Variants in MRPL34 observed in about 807,000 individuals in gnomAD.
MRPL34 encodes large ribosomal subunit protein bL34m.
Under a neutral mutation model 6.7 loss-of-function variants are expected in MRPL34, and 8 were observed. The ratio of observed to expected loss-of-function variants is 1.20; its 90% CI spans 0.70 to 2.16. The LOEUF (loss-of-function observed/expected upper bound fraction) is 2.16. Ranked by LOEUF, MRPL34 falls within the 30% of genes most tolerant of loss-of-function variation. The pLI is 0.00. For missense variants in MRPL34, 146 were observed against 125.5 expected, an observed-to-expected ratio of 1.16 and a Z score of -0.78; for synonymous variants, 59 against 55.1, an observed-to-expected ratio of 1.07 and a Z score of -0.31.
chr19:17,301,556 C>A (rs147808769), upstream of MRPL34: 11 of 1,604,986 alleles, frequency 6.9e-6, no homozygotes, highest in African/African-American at 2.7e-5. Flanking sequence ...AGTGGCCCCA[C>A]GGCGTTGGGG....
chr19:17,294,628 G>A (rs1437633260), intron 1 of MRPL34: 3 of 1,608,896 alleles, frequency 1.9e-6, no homozygotes, highest in Non-Finnish European at 2.6e-6. Context: ...GCAGATGCCT[G>A]GGTTCGCCAG....
upstream of MRPL34, chr19:17,300,996 A>T: frequency 6.2e-7 from 1 of 1,613,470 alleles, no homozygotes; most frequent in Non-Finnish European, 8.5e-7. Flanking sequence ...CCAGGTCAGG[A>T]GCCACCACCT....
Position 17,293,694 on chromosome 19 carries a change from T to G in MRPL34, c.214+840T>G, listed in dbSNP as rs1361724212. ...AGTTATACTTTAATGGTTTTTGTTT[T>G]TTTTTTTTTTTCTTTAAGAAACGGG... On this transcript the variant is annotated intron_variant, in intron 1 of 2. Coordinates refer to the MRPL34 transcript ENST00000595444. Among the ~76,000 whole-genome samples the G allele has an allele frequency of 4.0e-5, 6 of 151,668 alleles. No individual in the cohort carries two copies. The South Asian group carries it at 6.3e-4, about 16-fold the overall frequency.
chr19:17,301,797 TG>T (rs2074121035), upstream of MRPL34, among the ~76,000 whole-genome samples: 4 of 151,818 alleles, frequency 2.6e-5, no homozygotes, highest in Admixed American at 2.0e-4. Flanking sequence ...TGTGTGTGTG[TG>T]TGTGTGTGTG....
chr19:17,301,483 C>T, upstream of MRPL34: 2 of 1,611,658 alleles, frequency 1.2e-6, no homozygotes, highest in Non-Finnish European at 1.7e-6. Context: ...ATGCTTCACC[C>T]GCAGCACGCG....
At chr19:17,305,386 G>C (rs557193062), upstream of MRPL34, among the ~76,000 whole-genome samples, 1 of 152,154 alleles carries the variant, frequency 6.6e-6, no homozygotes, top group Admixed American at 6.5e-5. Context: ...CCACCCCAAG[G>C]ACACGCAGCG....
rs947866090 is a variant in MRPL34 at position 17,306,022 on chromosome 19, C to T, written c.65+65C>T. On this transcript the variant is annotated intron_variant, in intron 1 of 1. Coordinates refer to ENST00000252602, the MANE Select transcript of MRPL34 (RefSeq NM_023937.4). ...AGGGCGGCTTCGGAGGCTGGCGCCACTCTTCACTGCCCGCGTGACCTGCCA... is the reference window on the plus strand; with the variant it reads ...AGGGCGGCTTCGGAGGCTGGCGCCATTCTTCACTGCCCGCGTGACCTGCCA... 3.0e-5 allele frequency: 47 copies of T among 1,587,368 alleles called. No homozygotes were observed. The African/African-American group carries it at 4.0e-4, about 14-fold the overall frequency.
intron 1 of MRPL34, among the ~76,000 whole-genome samples, chr19:17,295,626 G>A (rs920016419): frequency 1.3e-5 from 2 of 149,416 alleles, no homozygotes; most frequent in Non-Finnish European, 3.0e-5. Flanking sequence ...CAGGCTGGTC[G>A]AGAACTCCTG....
At chr19:17,301,100 G>C (rs1451767226), upstream of MRPL34, 1 of 1,613,238 alleles carries the variant, frequency 6.2e-7, no homozygotes, top group East Asian at 2.2e-5. Flanking sequence ...ACGTCGGCCT[G>C]GGCGCCTTTG....
chr19:17,301,196 C>T (rs746198270), upstream of MRPL34: 4 of 1,602,772 alleles, frequency 2.5e-6, no homozygotes, highest in African/African-American at 1.3e-5. Flanking sequence ...CTGCCACTGC[C>T]GCTGCCGCTG....
upstream of MRPL34, among the ~76,000 whole-genome samples, chr19:17,299,859 C>T (rs570928404): frequency 2.0e-5 from 3 of 151,122 alleles, no homozygotes; most frequent in East Asian, 1.9e-4. Flanking sequence ...GATCCATCCA[C>T]AAAGTGCTGG....
intron 1 of MRPL34, chr19:17,297,658 A>G (rs544974243): frequency 6.6e-6 from 1 of 152,248 alleles, no homozygotes; most frequent in South Asian, 2.1e-4. Context: ...TATGTTATAT[A>G]AAGAAATATA....
upstream of MRPL34, chr19:17,305,655 A>G: frequency 1.7e-6 from 1 of 574,580 alleles, no homozygotes; most frequent in Admixed American, 3.0e-5. Flanking sequence ...GCTTGCTCAG[A>G]AGGCGCCGTT....
chr19:17,300,235 T>C (rs1351150698), upstream of MRPL34, among the ~76,000 whole-genome samples: 1 of 151,894 alleles, frequency 6.6e-6, no homozygotes, highest in Non-Finnish European at 1.5e-5. Context: ...CGACAGGTTC[T>C]TGCCATGCTG....
At chr19:17,305,834 T>C (rs1220388344), upstream of MRPL34, 4 of 1,519,004 alleles carry the variant, frequency 2.6e-6, no homozygotes, top group East Asian at 4.5e-5. Flanking sequence ...GTTCCAGGGC[T>C]GGAGCGGCTC....
chr19:17,296,190 C>T (rs1484376623), intron 1 of MRPL34: 1 of 151,726 alleles, frequency 6.6e-6, no homozygotes, highest in Non-Finnish European at 1.5e-5. Context: ...AATCTGGATC[C>T]AGAAGTTTCA....
upstream of MRPL34, chr19:17,298,398 C>G (rs2074102609): frequency 6.6e-6 from 1 of 152,100 alleles, no homozygotes. Context: ...GGTTGTATTA[C>G]CTGCCCTTTA....
chr19:17,300,184 G>A (rs1312496955), upstream of MRPL34, among the ~76,000 whole-genome samples: 2 of 151,952 alleles, frequency 1.3e-5, no homozygotes, highest in East Asian at 3.9e-4. Flanking sequence ...GATTACAGGC[G>A]TGAGCCACCG....
In MRPL34 at chr19:17,306,344, C is replaced by G; in HGVS notation, c.244C>G (p.Arg82Gly). 6.2e-7 allele frequency: 1 copy of G among 1,608,460 alleles called. No homozygotes were observed. Among genetic ancestry groups the G allele is most frequent in the Non-Finnish European group, 8.5e-7 (1 of 1,178,720 alleles). Residue 82 changes from arginine to glycine, a missense_variant, in exon 2 of 2, where the codon CGA becomes GGA. Physicochemically the swap from Arg to Gly is moderately radical, Grantham distance 125. Coordinates refer to ENST00000252602, the MANE Select transcript of MRPL34 (RefSeq NM_023937.4). ...TPAGVQVILR[R>G]MLKGRKSLSH is the part of the protein sequence containing the mutation. ...GGCCGGCGTGCAGGTCATCCTTCGC[C>G]GAATGCTCAAGGGCCGCAAGTCGCT...
Sources: gnomAD v4.1 joint callset for allele counts (sites outside exome capture counted in the v4.1 genomes callset) on GRCh38, gnomAD v4.1.1 for gene constraint, MANE v1.5 for transcripts, NCBI Gene and HGNC (gene_info 2026-07-23, HGNC 2026-07-21) for gene names.